Variants in OPCML observed in about 807,000 individuals in gnomAD.
OPCML encodes the protein opioid-binding protein/cell adhesion molecule.
In OPCML, 13 loss-of-function variants were observed where a neutral mutation model predicts 37.8. The observed-to-expected ratio is 0.34, with a 90% confidence interval of 0.22 to 0.55. The LOEUF (loss-of-function observed/expected upper bound fraction) is 0.55. Among genes scored for constraint, OPCML ranks in the 20% least tolerant of loss-of-function variants. The pLI is 0.91. For synonymous variants in OPCML, 176 were observed against 168.8 expected (o/e 1.04, Z -0.33); for missense variants, 341 against 435.6 (o/e 0.78, Z 1.93).
rs1190467734 is a variant in OPCML at position 133,485,499 on chromosome 11, T to C, written c.61+46765A>G. On this transcript the variant is annotated intron_variant, in intron 1 of 7. Coordinates refer to ENST00000524381, the MANE Select transcript of OPCML (RefSeq NM_001012393.5). The stretch of plus-strand genomic sequence containing the variant: ...ATTCTTCTCATCTTATTGGAGACTT[T>C]GCTCAGTAAACAATTTTCCTTTCTG... Among the ~76,000 whole-genome samples, 6 of 152,166 alleles carry C rather than the reference T, an allele frequency of 3.9e-5. No individual in the cohort carries two copies. In the East Asian group the frequency reaches 1.2e-3, roughly 29 times the overall value.
At chr11:133,042,043 G>C (rs919277118) in intron 1 of OPCML, among the ~76,000 whole-genome samples, 8 of 152,264 alleles carry the variant, frequency 5.3e-5, no homozygotes, top group Admixed American at 3.9e-4. Context: ...GCAGAGCTGG[G>C]GGGTGGGGGG....
chr11:133,331,560 A>G (rs1943620106), intron 1 of OPCML, among the ~76,000 whole-genome samples: 1 of 152,214 alleles, frequency 6.6e-6, no homozygotes. Flanking sequence ...TATTGTTTCT[A>G]AATGTTTAGT....
intron 1 of OPCML, among the ~76,000 whole-genome samples, chr11:133,260,786 T>A (rs1189495525): frequency 6.6e-6 from 1 of 152,196 alleles, no homozygotes; most frequent in African/African-American, 2.4e-5. Context: ...CATGACCACA[T>A]CTGGAATCCA....
intron 1 of OPCML, among the ~76,000 whole-genome samples, chr11:133,463,915 G>A (rs1206574145): frequency 6.6e-6 from 1 of 152,134 alleles, no homozygotes; most frequent in Admixed American, 6.5e-5. Context: ...ATTGACCCGG[G>A]CCACATCTTC....
intron 1 of OPCML, among the ~76,000 whole-genome samples, chr11:133,507,356 T>G (rs1175993430): frequency 6.6e-6 from 1 of 152,176 alleles, no homozygotes; most frequent in African/African-American, 2.4e-5. Context: ...CAATCCCCAT[T>G]TTCAAAGTGC....
At chr11:132,524,363 C>T (rs1565636141) in intron 4 of OPCML, among the ~76,000 whole-genome samples, 1 of 152,094 alleles carries the variant, frequency 6.6e-6, no homozygotes, top group Non-Finnish European at 1.5e-5. Context: ...CTGTGTGATT[C>T]CATCATCATC....
intron 1 of OPCML, among the ~76,000 whole-genome samples, chr11:133,322,908 G>A (rs1465986972): frequency 1.3e-5 from 2 of 152,172 alleles, no homozygotes; most frequent in East Asian, 3.8e-4. Context: ...ACAAACAACT[G>A]AGCAATTAGG....
chr11:133,237,192 G>A (rs1284704881), intron 1 of OPCML, among the ~76,000 whole-genome samples: 3 of 152,208 alleles, frequency 2.0e-5, no homozygotes, highest in African/African-American at 4.8e-5. Flanking sequence ...TTCAAAGTGA[G>A]TTAACGTGAA....
At chr11:132,901,032 T>C (rs1337507239) in intron 2 of OPCML, among the ~76,000 whole-genome samples, 8 of 151,952 alleles carry the variant, frequency 5.3e-5, no homozygotes, top group South Asian at 2.1e-4. Context: ...ATACAAAAAT[T>C]AGCTGGGCAA....
chr11:133,075,566 G>C (rs925439549), intron 1 of OPCML, among the ~76,000 whole-genome samples: 3 of 152,238 alleles, frequency 2.0e-5, no homozygotes, highest in African/African-American at 7.2e-5. Flanking sequence ...GTGCACACAG[G>C]GACAGTTATA....
rs138874012 is a variant in OPCML, at chr11:133,079,845, C to T, written c.62-136835G>A. On this transcript the variant is annotated intron_variant, in intron 1 of 7. Transcript: ENST00000524381. ...CTTCTCCATCCTGCTGCAGGCTCTG[C>T]CTTTTGCTCCATAATGATGCCAGAG... is the stretch of plus-strand genomic sequence containing the variant. Among the ~76,000 whole-genome samples the T allele has an allele frequency of 4.7e-4, 72 of 152,278 alleles. No individual in the cohort carries two copies. The Middle Eastern group carries it at 0.01, about 22-fold the overall frequency.
intron 1 of OPCML, among the ~76,000 whole-genome samples, chr11:133,484,026 C>A (rs967505714): frequency 7.5e-6 from 1 of 133,080 alleles, no homozygotes; most frequent in African/African-American, 2.9e-5. Flanking sequence ...AATAGATGGA[C>A]AGATTAGATA....
At chr11:132,654,491 C>T (rs1941594791) in intron 3 of OPCML, among the ~76,000 whole-genome samples, 1 of 151,804 alleles carries the variant, frequency 6.6e-6, no homozygotes, top group African/African-American at 2.4e-5. Flanking sequence ...GGAAGCTCCT[C>T]CCCAAGAGAA....
chr11:132,553,056 G>A (rs142366710), intron 3 of OPCML, among the ~76,000 whole-genome samples: 2,071 of 152,182 alleles, frequency 0.014, 26 homozygotes, highest in Non-Finnish European at 0.021. Context: ...GAGCCACTAC[G>A]CGCAGCCGAA....
At chr11:133,022,150 T>C (rs150002778) in intron 1 of OPCML, among the ~76,000 whole-genome samples, 111 of 152,294 alleles carry the variant, frequency 7.3e-4, no homozygotes, top group African/African-American at 2.6e-3. Flanking sequence ...GGCAATTTTC[T>C]GCTGATGGAG....
Position 133,159,283 on chromosome 11 carries a change from A to G in OPCML, c.62-216273T>C, listed in dbSNP as rs78582326. 9.2e-3 allele frequency among the ~76,000 whole-genome samples: 1,401 copies of G among 152,274 alleles called. 33 individuals carry two copies. Among genetic ancestry groups the G allele is most frequent in the African/African-American group, 0.032 (1,347 of 41,546 alleles). ...TGCCCTGGGTTCTGGCTCCTGTGGA[A>G]AGGGAGAGGTCAGAGGTCCCTGGGG... On this transcript the variant is annotated intron_variant, in intron 1 of 7. Transcript: ENST00000524381.
At chr11:132,697,135 A>C (rs186817520) in intron 2 of OPCML, among the ~76,000 whole-genome samples, 1 of 152,316 alleles carries the variant, frequency 6.6e-6, no homozygotes, top group African/African-American at 2.4e-5. Flanking sequence ...TCCCCGTTTC[A>C]TTGAGGTATA....
intron 1 of OPCML, among the ~76,000 whole-genome samples, chr11:133,474,060 A>T (rs1386346485): frequency 6.6e-6 from 1 of 152,216 alleles, no homozygotes; most frequent in Admixed American, 6.5e-5. Flanking sequence ...AGACCCCATC[A>T]TCTTTTTACA....
intron 1 of OPCML, among the ~76,000 whole-genome samples, chr11:133,255,413 C>T (rs941307307): frequency 1.3e-5 from 2 of 152,042 alleles, no homozygotes; most frequent in African/African-American, 4.8e-5. Context: ...CTTCTTTCCC[C>T]ACTTTTGACC....
Sources: gnomAD v4.1 joint callset for allele counts (sites outside exome capture counted in the v4.1 genomes callset) on GRCh38, gnomAD v4.1.1 for gene constraint, MANE v1.5 for transcripts, NCBI Gene and HGNC (gene_info 2026-07-23, HGNC 2026-07-21) for gene names.